SP100: variants seen among roughly 807,000 people sequenced by gnomAD.
SP100 encodes the protein SP100 nuclear body protein, also known as nuclear autoantigen Sp-100.
A neutral mutation model predicts 130.0 loss-of-function variants in SP100; 84 were observed. The observed-to-expected ratio is 0.65, with a 90% CI of 0.54 to 0.77. SP100 has a LOEUF of 0.77. Ranked by LOEUF, SP100 falls within the 30% of genes least tolerant of loss-of-function variation. SP100 has a pLI of 0.00. For synonymous variants in SP100, 331 were observed against 351.7 expected (o/e 0.94, Z 0.66); for missense variants, 978 against 1,052.2 (o/e 0.93, Z 0.97).
chr2:230,432,101 T>C (rs1178556696), intron 2 of SP100, among the ~76,000 whole-genome samples: 4 of 152,252 alleles, frequency 2.6e-5, no homozygotes, highest in African/African-American at 9.6e-5. Context: ...TCTGTAGTTT[T>C]CCCTTTCCTG....
Position 230,543,685 on chromosome 2 carries a change from C to A in SP100, c.*739C>A, listed in dbSNP as rs1295719598. 1 of 152,188 alleles carries A rather than the reference C, an allele frequency of 6.6e-6. No individual in the cohort carries two copies. The highest frequency in any genetic ancestry group is 6.5e-5 in the Admixed American group (1 of 15,270). 9.4% of individuals were successfully genotyped at this position (152,188 alleles called of 1,614,324 possible). On this transcript the variant is annotated 3_prime_UTR_variant, in exon 29 of 29. Transcript: ENST00000340126. ...GACACAAACAAATGGAAAAACATCC[C>A]ATGCTCCTGTGTAGAAACAGTCAAT...
intron 19 of SP100, 66 bp downstream of exon 19, chr2:230,498,601 T>C (rs1322772758): frequency 2.2e-6 from 2 of 899,466 alleles, no homozygotes; most frequent in Non-Finnish European, 3.1e-6. Context: ...GTAAGAAACA[T>C]TTTTTTCCTA....
intron 2 of SP100, among the ~76,000 whole-genome samples, chr2:230,420,041 C>T (rs2062724673): frequency 6.6e-6 from 1 of 152,150 alleles, no homozygotes; most frequent in South Asian, 2.1e-4. Context: ...TTAAAAAAAT[C>T]CTGAATGGCC....
At chr2:230,436,943 CATATATGTGTATACACACACAT>C (rs879626172) in intron 2 of SP100, among the ~76,000 whole-genome samples, 3,269 of 136,722 alleles carry the variant, frequency 0.024, 92 homozygotes, top group African/African-American at 0.035. Flanking sequence ...TACACACACG[CATATATGTGTATACACACACAT>C]ATATATGTGT....
chr2:230,453,296 C>T (rs186405034), intron 8 of SP100, among the ~76,000 whole-genome samples: 1 of 152,284 alleles, frequency 6.6e-6, no homozygotes, highest in African/African-American at 2.4e-5. Context: ...CCCACTAAGT[C>T]CTTCCCATGA....
At chr2:230,422,810 A>G (rs565652447) in intron 2 of SP100, among the ~76,000 whole-genome samples, 6 of 152,290 alleles carry the variant, frequency 3.9e-5, no homozygotes, top group East Asian at 1.9e-4. Context: ...AATCCCTGAG[A>G]TAACACCTAC....
intron 17 of SP100, among the ~76,000 whole-genome samples, chr2:230,494,174 A>G (rs2066537485): frequency 6.6e-6 from 1 of 151,992 alleles, no homozygotes; most frequent in Non-Finnish European, 1.5e-5. Flanking sequence ...TGTGAATGAT[A>G]AGACCACATA....
intron 8 of SP100, among the ~76,000 whole-genome samples, chr2:230,454,149 T>A (rs2064150635): frequency 6.6e-6 from 1 of 152,200 alleles, no homozygotes; most frequent in East Asian, 1.9e-4. Context: ...TGTCTCCTCT[T>A]TCATTTCTGA....
intron 24 of SP100, chr2:230,538,654 G>A (rs1013185126): frequency 2.0e-5 from 3 of 152,332 alleles, no homozygotes; most frequent in African/African-American, 7.2e-5. Context: ...TAAGTCATGG[G>A]GACTCTTCCT....
chr2:230,417,522 C>T, intron 1 of SP100, 69 bp from the exon 2 acceptor site: 1 of 1,549,576 alleles, frequency 6.5e-7, no homozygotes, highest in Non-Finnish European at 8.7e-7. Flanking sequence ...TGTCTCTAAA[C>T]CTTAAAAATG....
intron 2 of SP100, among the ~76,000 whole-genome samples, chr2:230,418,494 C>T (rs529912384): frequency 1.3e-5 from 2 of 152,220 alleles, no homozygotes; most frequent in Admixed American, 6.5e-5. Flanking sequence ...TTGTGTTCCA[C>T]GTGCCTGTGG....
chr2:230,436,650 C>T (rs780884888), intron 2 of SP100, among the ~76,000 whole-genome samples: 2 of 152,256 alleles, frequency 1.3e-5, no homozygotes, highest in East Asian at 1.9e-4. Context: ...TACCCAGTCT[C>T]GAGCAGTTCT....
chr2:230,485,247 C>A (rs572398281), intron 17 of SP100, among the ~76,000 whole-genome samples: 22 of 152,204 alleles, frequency 1.4e-4, no homozygotes, highest in African/African-American at 5.3e-4. Flanking sequence ...GCTACCACAC[C>A]CAGCTAAGAC....
intron 2 of SP100, among the ~76,000 whole-genome samples, chr2:230,435,858 C>T (rs556419024): frequency 9.2e-5 from 14 of 151,958 alleles, no homozygotes; most frequent in Admixed American, 7.2e-4. Flanking sequence ...CAACCTAAAT[C>T]GCCATCAATT....
Position 230,446,810 on chromosome 2 carries a change from AC to A in SP100, c.440-8del. On this transcript the variant is annotated splice_region_variant and splice_polypyrimidine_tract_variant and intron_variant, in intron 4 of 28. Transcript: ENST00000340126. ...TCTCTAATTGCTTCTTCTCTCTCCC[AC>A]TCTTCAGTAATCCATGACAAATTGC... is the stretch of plus-strand genomic sequence containing the variant. 6.4e-7 allele frequency: 1 copy of A among 1,570,216 alleles called. No individual in the cohort carries two copies. The highest frequency in any genetic ancestry group is 8.8e-7 in the Non-Finnish European group (1 of 1,141,480).
chr2:230,542,144 G>T, intron 28 of SP100, 109 bp downstream of exon 28: 1 of 1,175,062 alleles, frequency 8.5e-7, no homozygotes, highest in Non-Finnish European at 1.2e-6. Flanking sequence ...CTTATCATAT[G>T]ACAAGCCCAT....
At chr2:230,439,728 A>C (rs2149894878) in intron 2 of SP100, among the ~76,000 whole-genome samples, 1 of 152,228 alleles carries the variant, frequency 6.6e-6, no homozygotes, top group African/African-American at 2.4e-5. Flanking sequence ...TTCATTTATC[A>C]GATCTATATC....
chr2:230,456,379 G>A (rs989103758), intron 8 of SP100, among the ~76,000 whole-genome samples: 2 of 152,128 alleles, frequency 1.3e-5, no homozygotes, highest in South Asian at 2.1e-4. Context: ...ATTATAGTAT[G>A]TTTTGGTGTA....
At chr2:230,495,944 T>A (rs1428420069) in intron 18 of SP100, among the ~76,000 whole-genome samples, 1 of 152,190 alleles carries the variant, frequency 6.6e-6, no homozygotes, top group Non-Finnish European at 1.5e-5. Flanking sequence ...TAGATATATA[T>A]GTTTATGTAA....
Sources: allele counts gnomAD v4.1 joint callset (sites outside exome capture counted in the v4.1 genomes callset), GRCh38; gene constraint gnomAD v4.1.1; transcripts MANE v1.5; gene names NCBI Gene and HGNC (gene_info 2026-07-23, HGNC 2026-07-21).